The following RAB38 variants were observed in gnomAD, a reference collection of about 807,000 sequenced individuals.
RAB38 encodes ras-related protein Rab-38.
RAB38 carries 15 observed loss-of-function variants against 18.4 expected under a neutral mutation model. The ratio of observed to expected loss-of-function variants is 0.82; its 90% CI spans 0.55 to 1.26. The LOEUF is 1.26. RAB38 is among the 50% of genes most tolerant of loss of function. The probability of loss-of-function intolerance (pLI) is 0.00; values close to 1 mark genes in which losing one functional copy is unlikely to be tolerated. For missense variants in RAB38, 294 were observed against 267.4 expected (o/e 1.10, Z -0.69); for synonymous variants, 101 against 104.4 (o/e 0.97, Z 0.20).
chr11:87,918,340 G>A, the RAB38 span, among the ~76,000 whole-genome samples: 10 of 152,128 alleles, frequency 6.6e-5, no homozygotes, highest in African/African-American at 2.4e-4. Context: ...ATAATGCTGC[G>A]ATGAACGTGG....
At chr11:88,076,587 A>C in the RAB38 span, among the ~76,000 whole-genome samples, 1 of 152,166 alleles carries the variant, frequency 6.6e-6, no homozygotes, top group Admixed American at 6.5e-5. Context: ...CAGGATATAA[A>C]ATCAACATAC....
the RAB38 span, among the ~76,000 whole-genome samples, chr11:87,842,640 A>G: frequency 6.6e-6 from 1 of 152,288 alleles, no homozygotes; most frequent in Non-Finnish European, 1.5e-5. Flanking sequence ...CTTAACAAAA[A>G]TTAACTTGTT....
the RAB38 span, among the ~76,000 whole-genome samples, chr11:87,856,846 T>C: frequency 1.3e-5 from 2 of 152,120 alleles, no homozygotes; most frequent in South Asian, 4.1e-4. Context: ...TTGAGGCAGG[T>C]GACTTCTTTA....
chr11:87,810,707 T>C, the RAB38 span, among the ~76,000 whole-genome samples: 2 of 151,892 alleles, frequency 1.3e-5, no homozygotes, highest in Admixed American at 6.6e-5. Context: ...TACATGTAGA[T>C]AGCAAATAGA....
At chr11:88,142,768 T>C (rs1368686281) in intron 2 of RAB38, among the ~76,000 whole-genome samples, 2 of 152,178 alleles carry the variant, frequency 1.3e-5, no homozygotes, top group East Asian at 3.8e-4. Context: ...GTGACCAACA[T>C]GGACAAAAGC....
At chr11:87,944,893 G>C in the RAB38 span, among the ~76,000 whole-genome samples, 1 of 152,194 alleles carries the variant, frequency 6.6e-6, no homozygotes, top group African/African-American at 2.4e-5. Flanking sequence ...AGAACAGAGA[G>C]GTAGAAAATC....
chr11:87,947,394 T>G, the RAB38 span, among the ~76,000 whole-genome samples: 1 of 152,202 alleles, frequency 6.6e-6, no homozygotes, highest in Non-Finnish European at 1.5e-5. Context: ...TTAGTTTAAT[T>G]AGATCCCATT....
At chr11:88,031,485 G>A in the RAB38 span, among the ~76,000 whole-genome samples, 3 of 151,956 alleles carry the variant, frequency 2.0e-5, no homozygotes, top group Non-Finnish European at 4.4e-5. Flanking sequence ...AAACCCCATT[G>A]TCTCAGCCCA....
chr11:88,147,955 C>A (rs1229119675), intron 2 of RAB38, among the ~76,000 whole-genome samples: 1 of 152,098 alleles, frequency 6.6e-6, no homozygotes, highest in East Asian at 1.9e-4. Flanking sequence ...TGTTAAATTT[C>A]TGTAACTTAA....
chr11:88,029,745 C>A, the RAB38 span, among the ~76,000 whole-genome samples: 1 of 151,920 alleles, frequency 6.6e-6, no homozygotes, highest in South Asian at 2.1e-4. Flanking sequence ...CCTGAGTGAC[C>A]TACAAAGAGA....
At chr11:87,854,743 A>G in the RAB38 span, among the ~76,000 whole-genome samples, 2 of 152,198 alleles carry the variant, frequency 1.3e-5, no homozygotes, top group Non-Finnish European at 2.9e-5. Flanking sequence ...GCAGAAAGCT[A>G]TAGGGTAAAT....
the RAB38 span, among the ~76,000 whole-genome samples, chr11:87,817,853 C>T: frequency 1.8e-4 from 28 of 151,990 alleles, no homozygotes; most frequent in East Asian, 3.9e-4. Flanking sequence ...CAAATGCAGT[C>T]GAGGCAAAAA....
At chr11:88,021,420 G>A in the RAB38 span, among the ~76,000 whole-genome samples, 1 of 151,884 alleles carries the variant, frequency 6.6e-6, no homozygotes, top group East Asian at 1.9e-4. Context: ...CCAATAATAA[G>A]TAATAAAATC....
chr11:88,126,112 A>G (rs976672232), intron 2 of RAB38, among the ~76,000 whole-genome samples: 2 of 152,212 alleles, frequency 1.3e-5, no homozygotes, highest in Admixed American at 1.3e-4. Context: ...TGTTTTGGTT[A>G]CTGTAGCCTT....
At chr11:87,966,585 T>C in the RAB38 span, among the ~76,000 whole-genome samples, 5 of 152,140 alleles carry the variant, frequency 3.3e-5, no homozygotes, top group Admixed American at 3.3e-4. Context: ...CCACCCCATA[T>C]AGTAAATCAA....
the RAB38 span, among the ~76,000 whole-genome samples, chr11:87,919,664 T>G: frequency 6.6e-6 from 1 of 152,006 alleles, no homozygotes; most frequent in Non-Finnish European, 1.5e-5. Flanking sequence ...TCAGAAAAGT[T>G]TGAGAAAGAC....
At chr11:88,044,969 G>C in the RAB38 span, among the ~76,000 whole-genome samples, 3 of 152,136 alleles carry the variant, frequency 2.0e-5, no homozygotes, top group African/African-American at 7.2e-5. Flanking sequence ...CACCTGCCCA[G>C]CAATTTCCTC....
At chr11:88,160,734 A>G (rs1943179721) in intron 1 of RAB38, among the ~76,000 whole-genome samples, 1 of 152,162 alleles carries the variant, frequency 6.6e-6, no homozygotes, top group Non-Finnish European at 1.5e-5. Context: ...GCAGGAACAG[A>G]AAACTAAATA....
At chr11:88,090,668 G>T in the RAB38 span, among the ~76,000 whole-genome samples, 1 of 151,926 alleles carries the variant, frequency 6.6e-6, no homozygotes, top group Non-Finnish European at 1.5e-5. Context: ...TTACCCTAGG[G>T]TGGGCCCACA....
Sources: gnomAD v4.1 joint callset for allele counts (sites outside exome capture counted in the v4.1 genomes callset) on GRCh38, gnomAD v4.1.1 for gene constraint, MANE v1.5 for transcripts, NCBI Gene and HGNC (gene_info 2026-07-23, HGNC 2026-07-21) for gene names.